The following MAML3 variants were observed in gnomAD, a reference collection of about 807,000 sequenced individuals.
MAML3 encodes mastermind-like protein 3.
In MAML3, 27 loss-of-function variants were observed where a neutral mutation model predicts 101.9. That is an observed-to-expected ratio of 0.27 (90% CI 0.20 to 0.37). MAML3 has a LOEUF of 0.37. Ranked by LOEUF, MAML3 falls within the 10% of genes least tolerant of loss-of-function variation. The pLI is 1.00. For synonymous variants in MAML3, 501 were observed against 555.9 expected (o/e 0.90, Z 1.39); for missense variants, 1,316 against 1,444.9 (o/e 0.91, Z 1.45).
Position 139,946,889 on chromosome 4 carries a change from CCACACACACACACA to C in MAML3, c.469-55936_469-55923del, listed in dbSNP as rs544250515. ...CCCAAATTTCTCCAGGCAGAGTAAG[CCACACACACACACA>C]CACACACACACACACACACACACTC... On this transcript the variant is annotated intron_variant, in intron 1 of 4. Coordinates refer to ENST00000509479, the MANE Select transcript of MAML3 (RefSeq NM_018717.5). Among the ~76,000 whole-genome samples, 15 of 126,918 alleles carry C rather than the reference CCACACACACACACA, an allele frequency of 1.2e-4. No homozygotes were observed. In the South Asian group the frequency reaches 2.8e-3, roughly 24 times the overall value. 83.3% of individuals were successfully genotyped at this position (126,918 alleles called of 152,430 possible).
intron 1 of MAML3, among the ~76,000 whole-genome samples, chr4:140,038,333 G>C (rs1560873972): frequency 1.3e-5 from 2 of 152,196 alleles, no homozygotes; most frequent in African/African-American, 2.4e-5. Flanking sequence ...GGCTGGCAAT[G>C]GTGCACCTCT....
chr4:139,955,404 G>C (rs943833444), intron 1 of MAML3, among the ~76,000 whole-genome samples: 1 of 151,884 alleles, frequency 6.6e-6, no homozygotes, highest in African/African-American at 2.4e-5. Flanking sequence ...TAAATCCTAA[G>C]TTTTCCAGTC....
At chr4:140,002,604 CG>C (rs1734944279) in intron 1 of MAML3, among the ~76,000 whole-genome samples, 3 of 152,168 alleles carry the variant, frequency 2.0e-5, no homozygotes, top group Admixed American at 1.3e-4. Flanking sequence ...GCCTTATAAT[CG>C]GAAGATCTAG....
Position 139,890,401 on chromosome 4 carries a change from T to G in MAML3, c.1035A>C (p.Ala345=), listed in dbSNP as rs1732450682. 1.2e-6 allele frequency: 2 copies of G among 1,604,202 alleles called. No homozygotes were observed. Among genetic ancestry groups the G allele is most frequent in the South Asian group, 2.2e-5 (2 of 90,076 alleles). The change falls in exon 2 of 5, where the codon GCA becomes GCC. Residue 345 remains alanine, a synonymous_variant. Transcript: ENST00000509479. The surrounding 1 kb of genome is among the most constrained non-coding windows in gnomAD (Gnocchi z 4.1). ...TCTCCTGGGAGAGAGGGGTCTCAGT[T>G]GCTGGCTGCGAGAATTCTGGCTCCT... ...EKKEPEFSQP[A]TETPLSQESA...
chr4:139,959,135 T>C (rs1053948146), intron 1 of MAML3, among the ~76,000 whole-genome samples: 2 of 152,226 alleles, frequency 1.3e-5, no homozygotes, highest in East Asian at 1.9e-4. Context: ...TTAACTGATA[T>C]GTCTTTTCTG....
At chr4:139,966,343 C>G (rs1734129879) in intron 1 of MAML3, among the ~76,000 whole-genome samples, 1 of 152,094 alleles carries the variant, frequency 6.6e-6, no homozygotes, top group Admixed American at 6.5e-5. Context: ...TAGGTTTTAA[C>G]ACATGCAGAA....
chr4:140,151,834 G>C (rs1729176639), intron 1 of MAML3, among the ~76,000 whole-genome samples: 1 of 152,182 alleles, frequency 6.6e-6, no homozygotes, highest in African/African-American at 2.4e-5. Flanking sequence ...TCCTGGAGAA[G>C]TTAAGCCATT....
At chr4:140,054,024 T>A (rs1477948079) in intron 1 of MAML3, among the ~76,000 whole-genome samples, 2 of 152,280 alleles carry the variant, frequency 1.3e-5, no homozygotes, top group East Asian at 1.9e-4. Flanking sequence ...CACTTTTAAA[T>A]TAAGACATGT....
chr4:139,906,108 A>G (rs1732818829), intron 1 of MAML3, among the ~76,000 whole-genome samples: 1 of 152,166 alleles, frequency 6.6e-6, no homozygotes, highest in Non-Finnish European at 1.5e-5. Flanking sequence ...TCCTATTTTT[A>G]TTAATGTATT....
chr4:140,140,185 A>C (rs1273165222), intron 1 of MAML3, among the ~76,000 whole-genome samples: 1 of 152,126 alleles, frequency 6.6e-6, no homozygotes, highest in Non-Finnish European at 1.5e-5. Flanking sequence ...TTAGCCGGGC[A>C]TGGTGGCACG....
intron 1 of MAML3, among the ~76,000 whole-genome samples, chr4:139,905,064 C>T (rs1321621570): frequency 6.6e-6 from 1 of 152,134 alleles, no homozygotes; most frequent in East Asian, 1.9e-4. Context: ...TGTGGAGAAA[C>T]AAGCTTGCAG....
chr4:139,786,751 T>G (rs750239217), intron 2 of MAML3, among the ~76,000 whole-genome samples: 8 of 152,160 alleles, frequency 5.3e-5, no homozygotes, highest in Non-Finnish European at 1.2e-4. Flanking sequence ...GTTACTTATA[T>G]TTGGGAAATG....
At chr4:139,814,927 G>A (rs1730868661) in intron 2 of MAML3, among the ~76,000 whole-genome samples, 1 of 152,170 alleles carries the variant, frequency 6.6e-6, no homozygotes, top group African/African-American at 2.4e-5. Flanking sequence ...TTCCATGGCT[G>A]TGCTATAGAA....
intron 1 of MAML3, among the ~76,000 whole-genome samples, chr4:140,056,545 G>T (rs911409776): frequency 6.6e-6 from 1 of 151,678 alleles, no homozygotes. Flanking sequence ...GGTGACTCAC[G>T]CCTATAATCC....
At chr4:140,129,701 T>C (rs1274905731) in intron 1 of MAML3, among the ~76,000 whole-genome samples, 1 of 152,112 alleles carries the variant, frequency 6.6e-6, no homozygotes, top group Non-Finnish European at 1.5e-5. Flanking sequence ...GCGCGGTGGC[T>C]CATGCCTGCA....
At chr4:140,006,564 T>A (rs1288185543) in intron 1 of MAML3, among the ~76,000 whole-genome samples, 1 of 124,582 alleles carries the variant, frequency 8.0e-6, no homozygotes, top group Non-Finnish European at 1.6e-5. Flanking sequence ...CCAGCCTGGG[T>A]GACAGAGCGA....
Position 139,833,315 on chromosome 4 carries a change from G to T in MAML3, c.2079+56042C>A, listed in dbSNP as rs140688616. ...AGCAGTCGGCAGGTCACACACACGC[G>T]GTGCTCGGCGGCAAACTCAGTTTAC... On this transcript the variant is annotated intron_variant, in intron 2 of 4. Transcript: ENST00000509479. Among the ~76,000 whole-genome samples, 360 of 152,322 alleles carry T rather than the reference G, an allele frequency of 2.4e-3. 5 individuals are homozygous for T. Among genetic ancestry groups the T allele is most frequent in the African/African-American group, 8.3e-3 (343 of 41,566 alleles).
intron 1 of MAML3, among the ~76,000 whole-genome samples, chr4:139,938,994 C>T (rs571131893): frequency 2.0e-4 from 30 of 152,366 alleles, no homozygotes; most frequent in African/African-American, 5.8e-4. Flanking sequence ...CATCCTTCCC[C>T]GCTCTGCGCA....
At chr4:140,002,098 C>T (rs947901314) in intron 1 of MAML3, among the ~76,000 whole-genome samples, 5 of 152,060 alleles carry the variant, frequency 3.3e-5, no homozygotes, top group Non-Finnish European at 5.9e-5. Flanking sequence ...GCCATTTTCA[C>T]GTATACAATA....
Sources: allele counts gnomAD v4.1 joint callset (sites outside exome capture counted in the v4.1 genomes callset), GRCh38; gene constraint gnomAD v4.1.1; non-coding constraint Gnocchi (gnomAD v3.1); transcripts MANE v1.5; gene names NCBI Gene and HGNC (gene_info 2026-07-23, HGNC 2026-07-21).